The following OCM variants were observed in gnomAD, a reference collection of about 807,000 sequenced individuals.
OCM encodes the protein oncomodulin-1.
OCM carries 18 observed loss-of-function variants against 14.1 expected under a neutral mutation model. The observed-to-expected ratio is 1.28, with a 90% CI of 0.88 to 1.89. The LOEUF (loss-of-function observed/expected upper bound fraction) is 1.89, where lower values mean the gene tolerates loss of function less well. Among genes scored for constraint, OCM ranks in the 40% most tolerant of loss-of-function variants. The pLI, the probability that OCM is intolerant of heterozygous loss-of-function variation, is 0.00. For synonymous variants in OCM, 48 were observed against 51.0 expected (o/e 0.94, Z 0.25); for missense variants, 140 against 137.6 (o/e 1.02, Z -0.09).
chr7:5,862,668 C>T, the OCM span, among the ~76,000 whole-genome samples: 1 of 152,162 alleles, frequency 6.6e-6, no homozygotes, highest in African/African-American at 2.4e-5. Context: ...AAACTCTTTA[C>T]TCCCTCTTTT....
upstream of OCM, among the ~76,000 whole-genome samples, chr7:5,876,016 T>A (rs1383248409): frequency 6.6e-6 from 1 of 151,824 alleles, no homozygotes; most frequent in East Asian, 1.9e-4. Context: ...TTATTATTTT[T>A]TTTTCCGAGA....
upstream of OCM, among the ~76,000 whole-genome samples, chr7:5,879,106 T>C (rs894721202): frequency 6.6e-6 from 1 of 151,846 alleles, no homozygotes; most frequent in African/African-American, 2.4e-5. Flanking sequence ...GAGACTGAAG[T>C]GGGAGGATCG....
At chr7:5,864,793 C>T in the OCM span, among the ~76,000 whole-genome samples, 3 of 152,056 alleles carry the variant, frequency 2.0e-5, no homozygotes, top group Non-Finnish European at 1.5e-5. Flanking sequence ...ACAAAATTAG[C>T]CGGGCGTGGT....
At chr7:5,875,987 C>T (rs1200721951), upstream of OCM, among the ~76,000 whole-genome samples, 1 of 152,020 alleles carries the variant, frequency 6.6e-6, no homozygotes, top group Non-Finnish European at 1.5e-5. Context: ...AGGCATGCGC[C>T]ACCATGCCTA....
upstream of OCM, among the ~76,000 whole-genome samples, chr7:5,877,844 AG>A (rs1283449204): frequency 5.2e-5 from 7 of 135,548 alleles, no homozygotes; most frequent in Non-Finnish European, 1.1e-4. Flanking sequence ...AAAAAAAAAA[AG>A]GAGATCCTGA....
At chr7:5,878,304 C>T (rs1045458208), upstream of OCM, among the ~76,000 whole-genome samples, 1 of 151,658 alleles carries the variant, frequency 6.6e-6, no homozygotes, top group African/African-American at 2.4e-5. Context: ...ATGATGCTTA[C>T]CAGGAGCTGG....
chr7:5,874,131 G>C, the OCM span, among the ~76,000 whole-genome samples: 1 of 137,138 alleles, frequency 7.3e-6, no homozygotes, highest in Admixed American at 8.5e-5. Flanking sequence ...GGCTGAGGCA[G>C]AAGAATCTCG....
chr7:5,873,225 A>G, the OCM span, among the ~76,000 whole-genome samples: 1 of 152,176 alleles, frequency 6.6e-6, no homozygotes, highest in East Asian at 1.9e-4. Flanking sequence ...AACTACAAAA[A>G]ATTCGCAGGG....
chr7:5,873,698 G>C, the OCM span, among the ~76,000 whole-genome samples: 199 of 152,172 alleles, frequency 1.3e-3, 1 homozygote, highest in Middle Eastern at 0.044. Context: ...ACCCCGAGTG[G>C]AGAAAGGTTA....
At chr7:5,874,227 A>C in the OCM span, among the ~76,000 whole-genome samples, 1 of 138,262 alleles carries the variant, frequency 7.2e-6, no homozygotes, top group Non-Finnish European at 1.6e-5. Flanking sequence ...CTGTCTCAAA[A>C]AAAAAAAAAA....
chr7:5,875,039 T>C (rs1285113052), upstream of OCM, among the ~76,000 whole-genome samples: 3 of 145,642 alleles, frequency 2.1e-5, no homozygotes, highest in African/African-American at 7.8e-5. Context: ...TATATCTATA[T>C]CTATATATAT....
rs1025337374 is a variant in OCM, at chr7:5,885,973, C to T, written c.305-91C>T. The T allele has an allele frequency of 5.1e-6, 8 of 1,560,298 alleles. No homozygotes were observed. In the African/African-American group the frequency reaches 6.8e-5, roughly 13 times the overall value. ...CATCATCTGACAATTTTCTTTGCTT[C>T]CTTCCCTCTTTGGAATTCTCATTGG... On this transcript the variant is annotated intron_variant, in intron 3 of 3. Transcript: ENST00000242104.
At chr7:5,874,247 AAAAAAAG>A in the OCM span, among the ~76,000 whole-genome samples, 2 of 150,230 alleles carry the variant, frequency 1.3e-5, no homozygotes, top group South Asian at 2.1e-4. Flanking sequence ...AAAAAAAAAA[AAAAAAAG>A]ATCTATTTCC....
chr7:5,862,550 C>A, the OCM span, among the ~76,000 whole-genome samples: 2 of 152,218 alleles, frequency 1.3e-5, no homozygotes, highest in South Asian at 4.1e-4. Context: ...ATCCTTCCAC[C>A]TACCCTGAGA....
At chr7:5,873,768 G>A in the OCM span, among the ~76,000 whole-genome samples, 38 of 152,210 alleles carry the variant, frequency 2.5e-4, no homozygotes, top group South Asian at 8.3e-4. Context: ...GGCTAGGGTA[G>A]TGACGGTGGC....
chr7:5,867,465 C>T, the OCM span, among the ~76,000 whole-genome samples: 1 of 152,052 alleles, frequency 6.6e-6, no homozygotes, highest in Non-Finnish European at 1.5e-5. Context: ...CGTGTTGGCT[C>T]TTCCTCCTCC....
chr7:5,882,526 A>G lies in OCM; in HGVS notation c.95A>G (p.Gln32Arg), dbSNP rs749531114. The G allele has an allele frequency of 1.7e-5, 27 of 1,614,050 alleles. No individual in the cohort carries two copies. Among genetic ancestry groups the G allele is most frequent in the Non-Finnish European group, 8.5e-7 (1 of 1,180,012 alleles). Residue 32 changes from glutamine (Q) to arginine (R), a missense_variant, in exon 2 of 4, where the codon CAG (glutamine) becomes CGG (arginine). By Grantham distance (43) the Gln-to-Arg change is conservative. Transcript: ENST00000242104. Reference sequence around the variant, plus strand: ...ACTTTTGAACCCCAAAAATTCTTCCAGACATCAGGCCTCTCCAAGATGTCA... The same window carrying G: ...ACTTTTGAACCCCAAAAATTCTTCCGGACATCAGGCCTCTCCAAGATGTCA... The part of the protein sequence containing the change: ...PDTFEPQKFF[Q>R]TSGLSKMSAN...
chr7:5,863,507 C>G, the OCM span, among the ~76,000 whole-genome samples: 31 of 149,604 alleles, frequency 2.1e-4, no homozygotes, highest in Admixed American at 1.7e-3. Flanking sequence ...GAGGGGCTGG[C>G]TTTAGATAGG....
upstream of OCM, among the ~76,000 whole-genome samples, chr7:5,875,098 A>G (rs1401093800): frequency 6.7e-6 from 1 of 148,704 alleles, no homozygotes; most frequent in East Asian, 2.0e-4. Context: ...TCTGTCATCC[A>G]GGCTGGAATG....
Sources: gnomAD v4.1 joint callset for allele counts (sites outside exome capture counted in the v4.1 genomes callset) on GRCh38, gnomAD v4.1.1 for gene constraint, MANE v1.5 for transcripts, NCBI Gene and HGNC (gene_info 2026-07-23, HGNC 2026-07-21) for gene names.